Variants in CERT1 observed in about 807,000 individuals in gnomAD.
CERT1 encodes the protein ceramide transfer protein.
In CERT1, 31 loss-of-function variants were observed where a neutral mutation model predicts 87.9. That is an observed-to-expected ratio of 0.35 (90% CI 0.27 to 0.48). The LOEUF is 0.48. CERT1 is among the 20% of genes least tolerant of loss of function. The probability of loss-of-function intolerance (pLI) is 0.99; values close to 1 mark genes in which losing one functional copy is unlikely to be tolerated. For missense variants in CERT1, 487 were observed against 758.0 expected (o/e 0.64, Z 4.20); for synonymous variants, 289 against 250.9 (o/e 1.15, Z -1.44).
intron 1 of CERT1, 124 bp from the exon 2 acceptor site, chr5:75,506,240 T>C (rs1204993615): frequency 8.5e-6 from 7 of 824,466 alleles, no homozygotes; most frequent in African/African-American, 3.5e-5. Flanking sequence ...AACTTAATTC[T>C]AAGCATAAAC....
intron 2 of CERT1, among the ~76,000 whole-genome samples, chr5:75,493,036 G>C (rs887395438): frequency 6.6e-6 from 1 of 152,162 alleles, no homozygotes; most frequent in African/African-American, 2.4e-5. Flanking sequence ...ATCACACTTT[G>C]AGTACAATAA....
chr5:75,382,468 C>G (rs1761625309), intron 14 of CERT1, among the ~76,000 whole-genome samples: 1 of 152,024 alleles, frequency 6.6e-6, no homozygotes, highest in African/African-American at 2.4e-5. Flanking sequence ...TCTCCTCATA[C>G]TCCATGATTA....
At chr5:75,459,713 C>G (rs962651604) in intron 2 of CERT1, among the ~76,000 whole-genome samples, 4 of 151,888 alleles carry the variant, frequency 2.6e-5, no homozygotes, top group African/African-American at 9.7e-5. Flanking sequence ...GCATGTAATC[C>G]CAGCACTTTG....
intron 2 of CERT1, among the ~76,000 whole-genome samples, chr5:75,474,012 C>T (rs111808593): frequency 0.047 from 7,083 of 152,238 alleles, 223 homozygotes; most frequent in South Asian, 0.074. Flanking sequence ...GGAAGTAAAA[C>T]CAAAGACAGG....
intron 2 of CERT1, 138 bp from the exon 3 acceptor site, chr5:75,459,319 T>C: frequency 1.7e-6 from 1 of 597,736 alleles, no homozygotes. Context: ...CTCAAATAAC[T>C]TGTCTGAAGA....
intron 3 of CERT1, among the ~76,000 whole-genome samples, chr5:75,429,193 TAA>T (rs1561256268): frequency 1.4e-5 from 2 of 147,166 alleles, no homozygotes; most frequent in East Asian, 3.9e-4. Context: ...ATAATAATAA[TAA>T]TAATTATTAT....
intron 2 of CERT1, among the ~76,000 whole-genome samples, chr5:75,473,078 ATTT>A (rs201155501): frequency 6.6e-6 from 1 of 151,956 alleles, no homozygotes; most frequent in Non-Finnish European, 1.5e-5. Flanking sequence ...CTACGCAGCC[ATTT>A]TTTTGTTGTT....
rs961986787 is a variant in CERT1, at chr5:75,486,723, C to T, written c.231+19259G>A. Reference sequence around the variant, plus strand: ...AACCTGAAAAAGAAATCAAGTAATTCCATTTATAATAGCTAGAAATAAAAT... The same window carrying T: ...AACCTGAAAAAGAAATCAAGTAATTTCATTTATAATAGCTAGAAATAAAAT... On this transcript the variant is annotated intron_variant, in intron 2 of 16. Transcript: ENST00000643780. 5.9e-5 allele frequency among the ~76,000 whole-genome samples: 9 copies of T among 151,940 alleles called. No homozygotes were observed. In the South Asian group the frequency reaches 1.9e-3, roughly 31 times the overall value.
chr5:75,494,207 G>A (rs371429780), intron 2 of CERT1, among the ~76,000 whole-genome samples: 1 of 152,252 alleles, frequency 6.6e-6, no homozygotes, highest in South Asian at 2.1e-4. Flanking sequence ...GCTGTACTTT[G>A]AGTTTACCAA....
At chr5:75,437,481 A>T (rs545556985) in intron 3 of CERT1, among the ~76,000 whole-genome samples, 1 of 152,232 alleles carries the variant, frequency 6.6e-6, no homozygotes, top group South Asian at 2.1e-4. Flanking sequence ...GAAAAAGAAA[A>T]CAGGCCAGGC....
At chr5:75,511,014 G>A in intron 1 of CERT1, 98 bp downstream of exon 1, 2 of 1,410,524 alleles carry the variant, frequency 1.4e-6, no homozygotes, top group Non-Finnish European at 1.9e-6. Flanking sequence ...ACCCCGGCAC[G>A]TTCCGCGCCT....
intron 3 of CERT1, among the ~76,000 whole-genome samples, chr5:75,453,472 A>G (rs1764842682): frequency 6.6e-6 from 1 of 152,192 alleles, no homozygotes; most frequent in South Asian, 2.1e-4. Context: ...TCAACAAAAC[A>G]TAATTCACAG....
At chr5:75,394,830 G>C (rs1762181131) in intron 11 of CERT1, among the ~76,000 whole-genome samples, 1 of 152,200 alleles carries the variant, frequency 6.6e-6, no homozygotes, top group Non-Finnish European at 1.5e-5. Flanking sequence ...GAAATAATTA[G>C]ATAAGGGTGC....
chr5:75,418,386 C>T (rs1763232077), intron 6 of CERT1, among the ~76,000 whole-genome samples: 1 of 152,116 alleles, frequency 6.6e-6, no homozygotes, highest in African/African-American at 2.4e-5. Context: ...TATGGAGGAA[C>T]TGGGACTCTC....
chr5:75,438,932 T>C (rs74703093), intron 3 of CERT1, among the ~76,000 whole-genome samples: 5 of 151,464 alleles, frequency 3.3e-5, no homozygotes, highest in Admixed American at 1.3e-4. Context: ...TTTTTTTTTT[T>C]CTTTTAAGAG....
intron 1 of CERT1, among the ~76,000 whole-genome samples, chr5:75,507,485 A>G (rs1288853690): frequency 1.3e-5 from 2 of 152,148 alleles, no homozygotes; most frequent in Non-Finnish European, 2.9e-5. Context: ...AACTCATTCT[A>G]GTGGCTCCCA....
chr5:75,466,997 C>T (rs1765484605), intron 2 of CERT1, among the ~76,000 whole-genome samples: 1 of 152,156 alleles, frequency 6.6e-6, no homozygotes, highest in Non-Finnish European at 1.5e-5. Context: ...AAACTAATGT[C>T]CACACAAAAA....
intron 2 of CERT1, among the ~76,000 whole-genome samples, chr5:75,467,815 G>A (rs942685341): frequency 6.6e-6 from 1 of 152,196 alleles, no homozygotes; most frequent in East Asian, 1.9e-4. Context: ...ATTAAGGTGA[G>A]TTGTACCAAT....
chr5:75,485,325 A>AAAAAAAAAAAAAAG (rs1766469913), intron 2 of CERT1, among the ~76,000 whole-genome samples: 1 of 148,752 alleles, frequency 6.7e-6, no homozygotes, highest in African/African-American at 2.4e-5. Flanking sequence ...AAAAAAAAAA[A>AAAAAAAAAAAAAAG]AAAAAAAAAA....
Sources: allele counts gnomAD v4.1 joint callset (sites outside exome capture counted in the v4.1 genomes callset), GRCh38; gene constraint gnomAD v4.1.1; transcripts MANE v1.5; gene names NCBI Gene and HGNC (gene_info 2026-07-23, HGNC 2026-07-21).